SAMMSON: variants seen among roughly 807,000 people sequenced by gnomAD.
SAMMSON encodes the protein survival associated mitochondrial melanoma specific oncogenic non-coding RNA.
intron 9 of SAMMSON, among the ~76,000 whole-genome samples, chr3:70,360,026 G>T (rs573775327): frequency 6.6e-6 from 1 of 152,220 alleles, no homozygotes; most frequent in Admixed American, 6.5e-5. Flanking sequence ...GCTAGTAAAT[G>T]GAACAGACTT....
chr3:70,160,786 G>A (rs1165006519), intron 4 of SAMMSON, among the ~76,000 whole-genome samples: 1 of 152,104 alleles, frequency 6.6e-6, no homozygotes, highest in Non-Finnish European at 1.5e-5. Flanking sequence ...ATAAATTGGA[G>A]CATAATTACC....
chr3:70,207,267 A>T (rs1235740552), intron 4 of SAMMSON, among the ~76,000 whole-genome samples: 1 of 152,068 alleles, frequency 6.6e-6, no homozygotes, highest in Admixed American at 6.6e-5. Flanking sequence ...AAAAAGAAAA[A>T]TGCATATAAA....
At chr3:70,385,178 T>A (rs1703110338) in intron 9 of SAMMSON, among the ~76,000 whole-genome samples, 1 of 152,102 alleles carries the variant, frequency 6.6e-6, no homozygotes, top group African/African-American at 2.4e-5. Context: ...GTTCCAATCC[T>A]CCTTTTCTCT....
downstream of SAMMSON, among the ~76,000 whole-genome samples, chr3:70,393,135 G>A (rs147178795): frequency 3.9e-5 from 6 of 152,278 alleles, no homozygotes; most frequent in Non-Finnish European, 8.8e-5. Flanking sequence ...TCAGTAGTAT[G>A]CCATTTTATG....
intron 4 of SAMMSON, among the ~76,000 whole-genome samples, chr3:70,231,779 C>A (rs1701562027): frequency 6.6e-6 from 1 of 152,066 alleles, no homozygotes; most frequent in Admixed American, 6.5e-5. Flanking sequence ...CCCCCTTGCC[C>A]CTACTAATTA....
chr3:70,152,568 T>C (rs906369750), intron 4 of SAMMSON, among the ~76,000 whole-genome samples: 6 of 152,098 alleles, frequency 3.9e-5, no homozygotes, highest in Non-Finnish European at 8.8e-5. Context: ...TGCTTTATTA[T>C]CTAACCCTCT....
chr3:70,334,662 T>C (rs574619208), intron 7 of SAMMSON, among the ~76,000 whole-genome samples: 75 of 152,196 alleles, frequency 4.9e-4, no homozygotes, highest in African/African-American at 1.8e-3. Flanking sequence ...ATTTATTTTG[T>C]TCAATACTCA....
At chr3:70,044,770 ATG>A in intron 3 of SAMMSON, among the ~76,000 whole-genome samples, 1 of 151,172 alleles carries the variant, frequency 6.6e-6, no homozygotes, top group East Asian at 1.9e-4. Flanking sequence ...CATAAATAAA[ATG>A]TAACTGTGTT....
chr3:70,139,564 C>T (rs892398154), intron 4 of SAMMSON, among the ~76,000 whole-genome samples: 1 of 152,154 alleles, frequency 6.6e-6, no homozygotes, highest in Admixed American at 6.5e-5. Flanking sequence ...TAGGTGGAGG[C>T]AGCCATGCCT....
At chr3:70,047,594 A>T (rs1228838853) in intron 3 of SAMMSON, among the ~76,000 whole-genome samples, 1 of 152,080 alleles carries the variant, frequency 6.6e-6, no homozygotes, top group Non-Finnish European at 1.5e-5. Context: ...TTGGCCTCTC[A>T]AAGTGCCGGG....
At chr3:70,345,426 C>G (rs759594187) in intron 7 of SAMMSON, among the ~76,000 whole-genome samples, 2 of 152,180 alleles carry the variant, frequency 1.3e-5, no homozygotes, top group African/African-American at 4.8e-5. Context: ...CTGCTTCATA[C>G]ATTTGTAATT....
downstream of SAMMSON, among the ~76,000 whole-genome samples, chr3:70,390,424 A>T (rs1328846374): frequency 6.6e-6 from 1 of 152,158 alleles, no homozygotes; most frequent in Non-Finnish European, 1.5e-5. Flanking sequence ...GAGAGGTTTA[A>T]TTGGCTCATG....
intron 7 of SAMMSON, among the ~76,000 whole-genome samples, chr3:70,310,475 C>A (rs1702444205): frequency 6.6e-6 from 1 of 152,012 alleles, no homozygotes; most frequent in Admixed American, 6.6e-5. Context: ...AAGCGATTAT[C>A]CTGCCTCAGC....
chr3:70,062,513 G>A (rs1237567034), intron 3 of SAMMSON, among the ~76,000 whole-genome samples: 3 of 152,064 alleles, frequency 2.0e-5, no homozygotes, highest in African/African-American at 7.2e-5. Context: ...CAGAACAGTA[G>A]CAGGCACATA....
In SAMMSON at chr3:70,288,607, G is replaced by A. The variant is rs1702192499; in HGVS notation, n.675-2572G>A. Among the ~76,000 whole-genome samples, 3 of 149,978 alleles carry A rather than the reference G, an allele frequency of 2.0e-5. No individual in the cohort carries two copies. The South Asian group carries it at 6.5e-4, about 33-fold the overall frequency. On this transcript the variant is annotated intron_variant and non_coding_transcript_variant, in intron 6 of 9. Transcript: ENST00000642114. ...CTGCAGAGCTGAGTTCAATTCCTGG[G>A]TATCCTTGTTGACTTTCTGTCTCGT...
intron 7 of SAMMSON, among the ~76,000 whole-genome samples, chr3:70,327,720 G>A (rs1192253968): frequency 1.3e-5 from 2 of 152,170 alleles, no homozygotes; most frequent in East Asian, 3.9e-4. Context: ...TGGGCATCCA[G>A]TAAGTCCTCA....
intron 3 of SAMMSON, among the ~76,000 whole-genome samples, chr3:70,043,543 C>T (rs944930547): frequency 1.3e-5 from 2 of 151,936 alleles, no homozygotes; most frequent in Non-Finnish European, 2.9e-5. Flanking sequence ...TTATTTTTGT[C>T]GCTCTTATGT....
intron 4 of SAMMSON, among the ~76,000 whole-genome samples, chr3:70,156,968 T>G (rs988469936): frequency 6.6e-6 from 1 of 152,086 alleles, no homozygotes; most frequent in African/African-American, 2.4e-5. Flanking sequence ...AGTTAGATAT[T>G]TAACACACCT....
intron 4 of SAMMSON, among the ~76,000 whole-genome samples, chr3:70,073,854 C>G (rs1288577969): frequency 2.6e-5 from 4 of 151,998 alleles, no homozygotes; most frequent in African/African-American, 9.7e-5. Flanking sequence ...TGTATTCTTA[C>G]TCAAAAGATA....
Sources: allele counts gnomAD v4.1 joint callset (sites outside exome capture counted in the v4.1 genomes callset), GRCh38; gene constraint gnomAD v4.1.1; transcripts MANE v1.5; gene names NCBI Gene and HGNC (gene_info 2026-07-23, HGNC 2026-07-21).